Variants in UTS2 observed in about 807,000 individuals in gnomAD.
UTS2 encodes the protein urotensin 2.
UTS2 carries 10 observed loss-of-function variants against 12.6 expected under a neutral mutation model. The observed-to-expected ratio is 0.80, with a 90% CI of 0.49 to 1.35. The LOEUF (loss-of-function observed/expected upper bound fraction) is 1.35, where lower values mean the gene tolerates loss of function less well. Ranked by LOEUF, UTS2 falls within the 40% of genes most tolerant of loss-of-function variation. UTS2 has a pLI of 0.00. For missense variants in UTS2, 142 were observed against 143.2 expected, an observed-to-expected ratio of 0.99 and a Z score of 0.04; for synonymous variants, 52 against 50.0, an observed-to-expected ratio of 1.04 and a Z score of -0.17.
At chr1:7,909,251 A>ACTAAAAAAAT in the UTS2 span, among the ~76,000 whole-genome samples, 1 of 152,138 alleles carries the variant, frequency 6.6e-6, no homozygotes, top group Non-Finnish European at 1.5e-5. Flanking sequence ...TTTGAAAGTT[A>ACTAAAAAAAT]ATTAAAAAAT....
the UTS2 span, among the ~76,000 whole-genome samples, chr1:7,897,799 C>T: frequency 7.0e-4 from 107 of 152,214 alleles, no homozygotes; most frequent in African/African-American, 2.5e-3. Flanking sequence ...GTTGGCCAGG[C>T]TGGTCTCGAA....
chr1:7,881,792 T>G, the UTS2 span, among the ~76,000 whole-genome samples: 51,999 of 151,942 alleles, frequency 0.34, 9,626 homozygotes, highest in South Asian at 0.45. Flanking sequence ...CTAAAATTCG[T>G]ATGGGACCAC....
the UTS2 span, among the ~76,000 whole-genome samples, chr1:7,896,510 C>T: frequency 6.6e-6 from 1 of 152,006 alleles, no homozygotes; most frequent in East Asian, 1.9e-4. Context: ...TGAAATGTTC[C>T]TGAGGAAGTC....
At chr1:7,901,408 A>G in the UTS2 span, among the ~76,000 whole-genome samples, 1 of 152,142 alleles carries the variant, frequency 6.6e-6, no homozygotes, top group Admixed American at 6.6e-5. Context: ...TCTGCCTTGG[A>G]GAGGAGGTGG....
chr1:7,910,938 T>C, the UTS2 span, among the ~76,000 whole-genome samples: 1 of 151,696 alleles, frequency 6.6e-6, no homozygotes, highest in Non-Finnish European at 1.5e-5. Context: ...GACATAGGCC[T>C]CATTAACCCT....
the UTS2 span, among the ~76,000 whole-genome samples, chr1:7,896,078 C>T: frequency 6.6e-6 from 1 of 152,170 alleles, no homozygotes; most frequent in Non-Finnish European, 1.5e-5. Flanking sequence ...AATGAAAATG[C>T]TCCTGAAAAT....
At chr1:7,892,969 T>C in the UTS2 span, among the ~76,000 whole-genome samples, 8 of 152,212 alleles carry the variant, frequency 5.3e-5, no homozygotes. Flanking sequence ...GAGGTTGTTA[T>C]TCTGCCTGCG....
the UTS2 span, among the ~76,000 whole-genome samples, chr1:7,884,382 GC>G: frequency 1.4e-5 from 2 of 147,656 alleles, no homozygotes; most frequent in Non-Finnish European, 3.0e-5. Context: ...ACTCACTGCA[GC>G]CTTGACCTTC....
At chr1:7,880,132 C>T in the UTS2 span, among the ~76,000 whole-genome samples, 1 of 151,984 alleles carries the variant, frequency 6.6e-6, no homozygotes, top group East Asian at 1.9e-4. Context: ...GTGGCACACA[C>T]CTATAGTCCC....
chr1:7,853,365 G>A (rs201912093), upstream of UTS2: 21 of 1,614,164 alleles, frequency 1.3e-5, no homozygotes, highest in East Asian at 4.5e-4. Context: ...CCAAAGCAAA[G>A]AGACGTGGAT....
the UTS2 span, among the ~76,000 whole-genome samples, chr1:7,863,110 ATTGT>A: frequency 7.4e-6 from 1 of 134,690 alleles, no homozygotes; most frequent in African/African-American, 3.0e-5. Context: ...ATTGTATTGT[ATTGT>A]ATTGTATTGT....
At chr1:7,908,295 TAAAAAAAAAAA>T in the UTS2 span, among the ~76,000 whole-genome samples, 1 of 107,874 alleles carries the variant, frequency 9.3e-6, no homozygotes, top group Admixed American at 9.4e-5. Flanking sequence ...AGACTCCGTC[TAAAAAAAAAAA>T]AAAAAAAAAG....
chr1:7,903,130 C>CCTTTTTTTAA, the UTS2 span, among the ~76,000 whole-genome samples: 83 of 33,526 alleles, frequency 2.5e-3, no homozygotes, highest in South Asian at 3.9e-3. Flanking sequence ...TCCCCTCCTT[C>CCTTTTTTTAA]TCCTGCTTCC....
chr1:7,856,354 G>A (rs1185485812), upstream of UTS2, among the ~76,000 whole-genome samples: 1 of 152,216 alleles, frequency 6.6e-6, no homozygotes, highest in Non-Finnish European at 1.5e-5. Flanking sequence ...CAATAACAAG[G>A]AGACAGTACA....
upstream of UTS2, chr1:7,853,608 G>A (rs1312497108): frequency 1.4e-5 from 10 of 727,000 alleles, no homozygotes; most frequent in Admixed American, 1.6e-4. Flanking sequence ...GTACATACAC[G>A]TGGCCTCATG....
chr1:7,871,290 C>T, the UTS2 span, among the ~76,000 whole-genome samples: 3 of 152,334 alleles, frequency 2.0e-5, no homozygotes, highest in East Asian at 5.8e-4. Flanking sequence ...AGGGCCAGCC[C>T]TGCTCTCTTC....
chr1:7,850,077 C>A (rs1193403513), intron 2 of UTS2, among the ~76,000 whole-genome samples: 2 of 150,790 alleles, frequency 1.3e-5, no homozygotes, highest in Non-Finnish European at 2.9e-5. Flanking sequence ...TCAAGCAATT[C>A]TCCTGCCTCA....
At chr1:7,903,511 G>T in the UTS2 span, among the ~76,000 whole-genome samples, 1 of 151,648 alleles carries the variant, frequency 6.6e-6, no homozygotes, top group Non-Finnish European at 1.5e-5. Flanking sequence ...CCCAACCTCC[G>T]GAGTAGTAGC....
the UTS2 span, among the ~76,000 whole-genome samples, chr1:7,881,152 G>A: frequency 6.6e-6 from 1 of 152,088 alleles, no homozygotes; most frequent in African/African-American, 2.4e-5. Flanking sequence ...ACATAATAAA[G>A]GCCACGTATA....
Sources: allele counts gnomAD v4.1 joint callset (sites outside exome capture counted in the v4.1 genomes callset), GRCh38; gene constraint gnomAD v4.1.1; transcripts MANE v1.5; gene names NCBI Gene and HGNC (gene_info 2026-07-23, HGNC 2026-07-21).